CDH8: variants seen among roughly 807,000 people sequenced by gnomAD.
CDH8 encodes the protein cadherin-8.
A neutral mutation model predicts 68.1 loss-of-function variants in CDH8; 17 were observed. The observed-to-expected ratio is 0.25, with a 90% CI of 0.17 to 0.37. The LOEUF (loss-of-function observed/expected upper bound fraction) is 0.37, where lower values mean the gene tolerates loss of function less well. Among genes scored for constraint, CDH8 ranks in the 10% least tolerant of loss-of-function variants. The pLI is 1.00. For synonymous variants in CDH8, 372 were observed against 365.1 expected (o/e 1.02, Z -0.21); for missense variants, 763 against 999.3 (o/e 0.76, Z 3.19).
chr16:61,937,848 G>T (rs183750597), intron 2 of CDH8: 1 of 152,134 alleles, frequency 6.6e-6, no homozygotes, highest in East Asian at 1.9e-4. Context: ...ATCTCATTGT[G>T]TTTCCTTCTT....
At chr16:61,956,550 A>G (rs758315270) in intron 2 of CDH8, among the ~76,000 whole-genome samples, 2 of 152,228 alleles carry the variant, frequency 1.3e-5, no homozygotes, top group East Asian at 3.8e-4. Flanking sequence ...GGGCAAATTA[A>G]GCCTAATATG....
chr16:61,923,873 CTA>C (rs1371791466), intron 2 of CDH8, among the ~76,000 whole-genome samples: 1 of 146,286 alleles, frequency 6.8e-6, no homozygotes, highest in African/African-American at 2.5e-5. Context: ...TATATATTTA[CTA>C]TATATATTTA....
intron 9 of CDH8, among the ~76,000 whole-genome samples, chr16:61,724,286 T>C (rs546903782): frequency 1.3e-5 from 2 of 150,928 alleles, no homozygotes; most frequent in Admixed American, 6.6e-5. Flanking sequence ...TGGAGATAAC[T>C]GCCTAGACAA....
At chr16:61,989,060 A>G (rs1965673701) in intron 2 of CDH8, among the ~76,000 whole-genome samples, 1 of 152,206 alleles carries the variant, frequency 6.6e-6, no homozygotes, top group Non-Finnish European at 1.5e-5. Flanking sequence ...GCTCACATAC[A>G]GAAAGTTCCT....
At chr16:61,876,177 G>A (rs1375068336) in intron 3 of CDH8, among the ~76,000 whole-genome samples, 1 of 152,024 alleles carries the variant, frequency 6.6e-6, no homozygotes, top group Non-Finnish European at 1.5e-5. Flanking sequence ...GCCCGGCCAG[G>A]TTTTCTTTCT....
At chr16:61,976,932 AAC>A (rs1232074074) in intron 2 of CDH8, among the ~76,000 whole-genome samples, 1 of 152,208 alleles carries the variant, frequency 6.6e-6, no homozygotes, top group African/African-American at 2.4e-5. Context: ...CATTTGAGAA[AAC>A]AGTGCGGAAT....
In CDH8 at chr16:61,966,726, A is replaced by G. The variant is rs115820733; in HGVS notation, c.252+54426T>C. On this transcript the variant is annotated intron_variant, in intron 2 of 11. Coordinates refer to ENST00000577390, the MANE Select transcript of CDH8 (RefSeq NM_001796.5). ...AATCAAAATTAAATCAACTAAATCA[A>G]TGCATTCTAAAATATAGAAATAAAC... Among the ~76,000 whole-genome samples, 1,406 of 152,338 alleles carry G rather than the reference A, an allele frequency of 9.2e-3. 18 individuals are homozygous for G. Among genetic ancestry groups the G allele is most frequent in the African/African-American group, 0.031 (1,289 of 41,570 alleles).
chr16:61,654,195 A>G (rs573472111), intron 11 of CDH8, 94 bp from the exon 12 acceptor site: 20 of 1,080,496 alleles, frequency 1.9e-5, no homozygotes, highest in South Asian at 1.7e-4. Context: ...GTATTTTTAC[A>G]AAATTGTATG....
At chr16:61,660,811 C>T (rs1476417578) in intron 10 of CDH8, among the ~76,000 whole-genome samples, 1 of 151,954 alleles carries the variant, frequency 6.6e-6, no homozygotes, top group Admixed American at 6.6e-5. Flanking sequence ...CAATCATATT[C>T]AGCAGAGCTA....
chr16:61,750,603 C>G (rs1178101591), intron 8 of CDH8, among the ~76,000 whole-genome samples: 1 of 152,028 alleles, frequency 6.6e-6, no homozygotes, highest in Non-Finnish European at 1.5e-5. Flanking sequence ...CAGGTTGACT[C>G]TAGTTTATTA....
At chr16:61,723,412 T>C (rs1259197993) in intron 9 of CDH8, among the ~76,000 whole-genome samples, 1 of 150,768 alleles carries the variant, frequency 6.6e-6, no homozygotes, top group Non-Finnish European at 1.5e-5. Flanking sequence ...CCCAGCTGTC[T>C]CCTTTTCAGT....
intron 2 of CDH8, among the ~76,000 whole-genome samples, chr16:61,985,731 G>T (rs1965613848): frequency 6.6e-6 from 1 of 152,066 alleles, no homozygotes; most frequent in Non-Finnish European, 1.5e-5. Context: ...GACCTAAGGT[G>T]ATCTGCCCGC....
At chr16:62,013,567 T>A (rs1024970211) in intron 2 of CDH8, among the ~76,000 whole-genome samples, 3 of 152,216 alleles carry the variant, frequency 2.0e-5, no homozygotes, top group Non-Finnish European at 4.4e-5. Context: ...GTATCACACA[T>A]ATATTTTAAT....
intron 3 of CDH8, among the ~76,000 whole-genome samples, chr16:61,899,243 C>T (rs923814452): frequency 2.6e-5 from 4 of 152,098 alleles, no homozygotes; most frequent in African/African-American, 9.7e-5. Flanking sequence ...GTTTTCTGTT[C>T]CTGTGTTAGT....
At chr16:61,960,608 A>G (rs570228788) in intron 2 of CDH8, among the ~76,000 whole-genome samples, 8 of 152,264 alleles carry the variant, frequency 5.3e-5, no homozygotes, top group Non-Finnish European at 1.2e-4. Context: ...TGTTGAAAGA[A>G]CTGCAGTATA....
intron 3 of CDH8, among the ~76,000 whole-genome samples, chr16:61,873,040 A>G (rs1963398275): frequency 1.3e-5 from 2 of 152,188 alleles, no homozygotes; most frequent in Non-Finnish European, 2.9e-5. Flanking sequence ...GAAAGATAAC[A>G]GCTTAAACTT....
chr16:61,765,673 A>G (rs1359791603), intron 8 of CDH8, among the ~76,000 whole-genome samples: 1 of 152,064 alleles, frequency 6.6e-6, no homozygotes, highest in Admixed American at 6.6e-5. Flanking sequence ...AAAATATGAA[A>G]CTAAATGAAA....
intron 2 of CDH8, among the ~76,000 whole-genome samples, chr16:61,956,947 T>C (rs1360965814): frequency 6.6e-6 from 1 of 152,190 alleles, no homozygotes; most frequent in African/African-American, 2.4e-5. Context: ...TTGTGTTCAA[T>C]AAAATGCAGA....
At chr16:61,935,965 G>A (rs1272035483) in intron 2 of CDH8, among the ~76,000 whole-genome samples, 1 of 152,074 alleles carries the variant, frequency 6.6e-6, no homozygotes, top group African/African-American at 2.4e-5. Context: ...TACAGCACAA[G>A]CTCTGGAACT....
Sources: allele counts gnomAD v4.1 joint callset (sites outside exome capture counted in the v4.1 genomes callset), GRCh38; gene constraint gnomAD v4.1.1; transcripts MANE v1.5; gene names NCBI Gene and HGNC (gene_info 2026-07-23, HGNC 2026-07-21).